RBFOX1: variants seen among roughly 807,000 people sequenced by gnomAD.
RBFOX1 encodes the protein RNA binding protein fox-1 homolog 1.
RBFOX1 carries 8 observed loss-of-function variants against 57.7 expected under a neutral mutation model. The ratio of observed to expected loss-of-function variants is 0.14; its 90% CI spans 0.08 to 0.25. The LOEUF (loss-of-function observed/expected upper bound fraction) is 0.25. Ranked by LOEUF, RBFOX1 falls within the 10% of genes least tolerant of loss-of-function variation. RBFOX1 has a pLI of 1.00. For missense variants in RBFOX1, 611 were observed against 548.5 expected (o/e 1.11, Z -1.14); for synonymous variants, 326 against 222.4 (o/e 1.47, Z -4.15).
chr16:6,201,063 T>C (rs988463029), intron 1 of RBFOX1, among the ~76,000 whole-genome samples: 3 of 152,182 alleles, frequency 2.0e-5, no homozygotes, highest in Non-Finnish European at 2.9e-5. Context: ...GATATTTGTC[T>C]TTCTGTGTCT....
intron 3 of RBFOX1, among the ~76,000 whole-genome samples, chr16:6,980,484 T>G (rs9931373): frequency 0.036 from 5,456 of 152,252 alleles, 311 homozygotes; most frequent in African/African-American, 0.12. Flanking sequence ...TTTCTGGTGT[T>G]TGTTTGCATT....
intron 1 of RBFOX1, among the ~76,000 whole-genome samples, chr16:6,071,289 C>G (rs1478726074): frequency 6.6e-6 from 1 of 152,132 alleles, no homozygotes; most frequent in Non-Finnish European, 1.5e-5. Context: ...CCATTGCACT[C>G]CAGCCTGGAT....
At chr16:7,354,145 A>C (rs1445543623) in intron 4 of RBFOX1, among the ~76,000 whole-genome samples, 1 of 151,798 alleles carries the variant, frequency 6.6e-6, no homozygotes, top group Non-Finnish European at 1.5e-5. Context: ...TAATTTTTGT[A>C]GTTTTAGTAG....
At chr16:6,665,745 C>T (rs1445338534) in intron 3 of RBFOX1, among the ~76,000 whole-genome samples, 1 of 150,866 alleles carries the variant, frequency 6.6e-6, no homozygotes, top group African/African-American at 2.4e-5. Context: ...TGAGGATTTA[C>T]TACATGCCAT....
intron 3 of RBFOX1, among the ~76,000 whole-genome samples, chr16:6,904,866 G>T (rs186169986): frequency 2.0e-5 from 3 of 152,064 alleles, no homozygotes; most frequent in Admixed American, 2.0e-4. Flanking sequence ...GTTGGGTGAA[G>T]TTTCTCTCTA....
At chr16:5,515,587 C>T (rs1445608125) in intron 2 of RBFOX1, among the ~76,000 whole-genome samples, 2 of 152,240 alleles carry the variant, frequency 1.3e-5, no homozygotes, top group South Asian at 2.1e-4. Context: ...TCCTTCATTA[C>T]TACCTAATGG....
chr16:5,738,225 A>G (rs1204244083), intron 3 of RBFOX1, among the ~76,000 whole-genome samples: 8 of 152,180 alleles, frequency 5.3e-5, no homozygotes, highest in Admixed American at 5.2e-4. Flanking sequence ...TGTCACATGC[A>G]GAGAATGTGT....
intron 4 of RBFOX1, among the ~76,000 whole-genome samples, chr16:7,429,228 C>T (rs1452072819): frequency 6.6e-6 from 1 of 152,222 alleles, no homozygotes; most frequent in African/African-American, 2.4e-5. Context: ...AACATCCTCT[C>T]TCTGGTCACC....
chr16:6,879,861 T>G (rs576846431), intron 3 of RBFOX1, among the ~76,000 whole-genome samples: 1 of 152,366 alleles, frequency 6.6e-6, no homozygotes, highest in South Asian at 2.1e-4. Flanking sequence ...TTTTGAATTA[T>G]CTCATAAATG....
intron 4 of RBFOX1, among the ~76,000 whole-genome samples, chr16:7,443,302 A>G (rs914858912): frequency 1.3e-5 from 2 of 152,144 alleles, no homozygotes; most frequent in South Asian, 2.1e-4. Flanking sequence ...AGGTTACAGA[A>G]AATGCTTGAT....
chr16:5,927,394 A>G (rs927972341), intron 4 of RBFOX1, among the ~76,000 whole-genome samples: 4 of 152,236 alleles, frequency 2.6e-5, no homozygotes, highest in Admixed American at 1.3e-4. Context: ...TTAACACTCT[A>G]TGTACGAGTG....
chr16:6,841,290 G>A (rs1239767352), intron 3 of RBFOX1, among the ~76,000 whole-genome samples: 1 of 152,120 alleles, frequency 6.6e-6, no homozygotes, highest in East Asian at 1.9e-4. Flanking sequence ...GTTTGATAAG[G>A]ACATTAGATT....
At chr16:7,537,701 C>T (rs916824317) in intron 5 of RBFOX1, among the ~76,000 whole-genome samples, 6 of 152,104 alleles carry the variant, frequency 3.9e-5, no homozygotes, top group East Asian at 3.9e-4. Flanking sequence ...TTCATCCAGG[C>T]CCTTATGCTT....
intron 3 of RBFOX1, among the ~76,000 whole-genome samples, chr16:7,020,642 C>A (rs2061815): frequency 2.0e-5 from 3 of 152,124 alleles, no homozygotes; most frequent in Non-Finnish European, 2.9e-5. Context: ...GAGTGATGAA[C>A]TTGTATTAAC....
intron 12 of RBFOX1, among the ~76,000 whole-genome samples, chr16:7,655,347 C>G (rs566144316): frequency 3.8e-4 from 58 of 152,174 alleles, no homozygotes; most frequent in Non-Finnish European, 6.2e-4. Context: ...CTTTGAGCTT[C>G]TTGGACAAAA....
At chr16:6,907,271 A>G (rs1307823047) in intron 3 of RBFOX1, among the ~76,000 whole-genome samples, 1 of 152,138 alleles carries the variant, frequency 6.6e-6, no homozygotes, top group African/African-American at 2.4e-5. Context: ...TGTAGTGCTG[A>G]CAGTGAGAGT....
chr16:7,469,970 C>T (rs996720294), intron 4 of RBFOX1, among the ~76,000 whole-genome samples: 2 of 151,082 alleles, frequency 1.3e-5, no homozygotes, highest in Admixed American at 6.6e-5. Flanking sequence ...CTTAGCATAA[C>T]GTCTTCAAGG....
intron 1 of RBFOX1, among the ~76,000 whole-genome samples, chr16:5,380,345 G>C (rs1251013749): frequency 6.6e-6 from 1 of 152,222 alleles, no homozygotes; most frequent in Admixed American, 6.5e-5. Flanking sequence ...TAGACGTACA[G>C]AGCGGTTAGA....
At chr16:5,843,116 C>T (rs1480988064) in intron 3 of RBFOX1, among the ~76,000 whole-genome samples, 2 of 152,184 alleles carry the variant, frequency 1.3e-5, no homozygotes, top group East Asian at 1.9e-4. Flanking sequence ...CGTGAGCCAC[C>T]ACGCCAGGCC....
Sources: gnomAD v4.1 joint callset for allele counts (sites outside exome capture counted in the v4.1 genomes callset) on GRCh38, gnomAD v4.1.1 for gene constraint, MANE v1.5 for transcripts, NCBI Gene and HGNC (gene_info 2026-07-23, HGNC 2026-07-21) for gene names.